Variants in ZNRF2 observed in about 807,000 individuals in gnomAD.
The protein encoded by ZNRF2 is E3 ubiquitin-protein ligase ZNRF2.
A neutral mutation model predicts 20.4 loss-of-function variants in ZNRF2; 16 were observed. The observed-to-expected ratio is 0.79, with a 90% CI of 0.53 to 1.19. The LOEUF (loss-of-function observed/expected upper bound fraction) is 1.19. Ranked by LOEUF, ZNRF2 falls within the 50% of genes most tolerant of loss-of-function variation. The pLI is 0.00. For missense variants in ZNRF2, 363 were observed against 332.4 expected (o/e 1.09, Z -0.72); for synonymous variants, 178 against 144.9 (o/e 1.23, Z -1.64).
At chr7:30,337,632 G>A (rs1380702581) in intron 2 of ZNRF2, among the ~76,000 whole-genome samples, 1 of 152,064 alleles carries the variant, frequency 6.6e-6, no homozygotes, top group African/African-American at 2.4e-5. Flanking sequence ...GTACAAACAT[G>A]TTTGAAAATA....
At chr7:30,354,147 C>CCATTTTTCTCT (rs1800000844) in intron 2 of ZNRF2, among the ~76,000 whole-genome samples, 1 of 151,572 alleles carries the variant, frequency 6.6e-6, no homozygotes, top group Non-Finnish European at 1.5e-5. Context: ...GGTAGGATCT[C>CCATTTTTCTCT]TAGGGCCAAG....
At chr7:30,290,660 C>T (rs1406179800) in intron 1 of ZNRF2, among the ~76,000 whole-genome samples, 2 of 152,176 alleles carry the variant, frequency 1.3e-5, no homozygotes, top group African/African-American at 4.8e-5. Flanking sequence ...GTCCAGTTCA[C>T]GTGCAAGGGG....
chr7:30,341,842 T>A (rs1268123572), intron 2 of ZNRF2, among the ~76,000 whole-genome samples: 1 of 152,126 alleles, frequency 6.6e-6, no homozygotes, highest in East Asian at 1.9e-4. Context: ...CCACTATTAT[T>A]GTGTGGGAGT....
Position 30,344,129 on chromosome 7 carries a change from C to T in ZNRF2, c.566-11599C>T, listed in dbSNP as rs184912272. On this transcript the variant is annotated intron_variant, in intron 2 of 4. Transcript: ENST00000323037. The stretch of plus-strand genomic sequence containing the variant: ...TAGAGACGGGGTTTCAGCATGTTGG[C>T]GAGGCTGGTCTCGAACTCCTGACCT... Among the ~76,000 whole-genome samples, 1,024 of 151,620 alleles carry T rather than the reference C, an allele frequency of 6.8e-3. 16 individuals are homozygous for T. Among genetic ancestry groups the T allele is most frequent in the African/African-American group, 0.023 (971 of 41,374 alleles).
At chr7:30,294,800 T>G (rs1306892932) in intron 1 of ZNRF2, among the ~76,000 whole-genome samples, 1 of 151,840 alleles carries the variant, frequency 6.6e-6, no homozygotes, top group Admixed American at 6.6e-5. Context: ...AAAAAAGTAT[T>G]GCACCATGGT....
intron 2 of ZNRF2, among the ~76,000 whole-genome samples, chr7:30,350,316 T>G (rs1308969688): frequency 1.3e-5 from 2 of 152,036 alleles, no homozygotes; most frequent in Non-Finnish European, 2.9e-5. Context: ...GTAACAAATT[T>G]TATTTCCTCC....
intron 3 of ZNRF2, among the ~76,000 whole-genome samples, chr7:30,359,023 C>T (rs73687828): frequency 1.3e-5 from 2 of 151,974 alleles, no homozygotes; most frequent in African/African-American, 4.8e-5. Flanking sequence ...GACGAAATTA[C>T]AGTATAGGAG....
At chr7:30,350,420 A>G (rs538498652) in intron 2 of ZNRF2, among the ~76,000 whole-genome samples, 1 of 152,172 alleles carries the variant, frequency 6.6e-6, no homozygotes, top group East Asian at 1.9e-4. Flanking sequence ...CATTTAAACT[A>G]GAGAGGCATT....
chr7:30,300,027 G>A (rs1404544524), intron 1 of ZNRF2, among the ~76,000 whole-genome samples: 2 of 151,390 alleles, frequency 1.3e-5, no homozygotes, highest in Non-Finnish European at 1.5e-5. Flanking sequence ...CTCGTGATGT[G>A]CCCGCCTTGG....
At chr7:30,303,616 G>GA (rs1799153867) in intron 1 of ZNRF2, among the ~76,000 whole-genome samples, 1 of 152,142 alleles carries the variant, frequency 6.6e-6, no homozygotes, top group Non-Finnish European at 1.5e-5. Flanking sequence ...TTTCCTACTG[G>GA]AAAAAGGTAT....
chr7:30,301,128 C>G (rs998792861), intron 1 of ZNRF2, among the ~76,000 whole-genome samples: 7 of 152,192 alleles, frequency 4.6e-5, no homozygotes, highest in African/African-American at 1.4e-4. Flanking sequence ...AGAAAAACAA[C>G]TGGAATGACA....
intron 3 of ZNRF2, among the ~76,000 whole-genome samples, chr7:30,361,127 T>C (rs1214222957): frequency 6.6e-6 from 1 of 152,190 alleles, no homozygotes; most frequent in Non-Finnish European, 1.5e-5. Context: ...ACTATTCAGA[T>C]ATATTATGAA....
intron 1 of ZNRF2, chr7:30,289,909 T>C (rs760625386): frequency 1.5e-5 from 8 of 534,228 alleles, no homozygotes; most frequent in Non-Finnish European, 7.7e-6. Flanking sequence ...TCCAATTTGA[T>C]CGCTTTGCCT....
intron 2 of ZNRF2, among the ~76,000 whole-genome samples, chr7:30,339,922 T>G (rs1799770284): frequency 6.6e-6 from 1 of 152,228 alleles, no homozygotes. Flanking sequence ...CATTTGTTTG[T>G]GTCCTCTCTT....
intron 1 of ZNRF2, among the ~76,000 whole-genome samples, chr7:30,319,605 T>A (rs1204862818): frequency 1.3e-5 from 2 of 152,172 alleles, no homozygotes; most frequent in African/African-American, 4.8e-5. Flanking sequence ...CATTGAAGTA[T>A]TGTCCAGGTA....
chr7:30,294,786 G>GAA (rs530331464), intron 1 of ZNRF2, among the ~76,000 whole-genome samples: 22 of 150,466 alleles, frequency 1.5e-4, no homozygotes, highest in Non-Finnish European at 2.8e-4. Flanking sequence ...CTCCATCTCA[G>GAA]AAAAAAAAAG....
intron 3 of ZNRF2, among the ~76,000 whole-genome samples, chr7:30,361,176 T>G (rs1225423247): frequency 6.6e-6 from 1 of 152,212 alleles, no homozygotes; most frequent in African/African-American, 2.4e-5. Context: ...GCTCAGAATT[T>G]TGTTTTAAGA....
rs1798942964 is a variant in ZNRF2 at position 30,293,221 on chromosome 7, T to C, written c.469+7395T>C. Among the ~76,000 whole-genome samples, 3 of 152,082 alleles carry C rather than the reference T, an allele frequency of 2.0e-5. No homozygotes were observed. In the South Asian group the frequency reaches 6.2e-4, roughly 32 times the overall value. ...CAGATGTAATAAAATACTGTTGCCA[T>C]GAACACCCTGGTAAGCAAATTTTTA... On this transcript the variant is annotated intron_variant, in intron 1 of 4. Transcript: ENST00000323037.
intron 1 of ZNRF2, among the ~76,000 whole-genome samples, chr7:30,317,919 A>G (rs1799402863): frequency 6.6e-6 from 1 of 152,208 alleles, no homozygotes; most frequent in African/African-American, 2.4e-5. Flanking sequence ...TACTTGCTGT[A>G]AAAATCTCCT....
Sources: gnomAD v4.1 joint callset for allele counts (sites outside exome capture counted in the v4.1 genomes callset) on GRCh38, gnomAD v4.1.1 for gene constraint, MANE v1.5 for transcripts, NCBI Gene and HGNC (gene_info 2026-07-23, HGNC 2026-07-21) for gene names.